METTL25: variants seen among roughly 807,000 people sequenced by gnomAD.
METTL25 encodes probable methyltransferase-like protein 25.
METTL25 carries 64 observed loss-of-function variants against 71.6 expected under a neutral mutation model. The ratio of observed to expected loss-of-function variants is 0.89; its 90% CI spans 0.73 to 1.10. The LOEUF is 1.10. Ranked by LOEUF, METTL25 falls within the 50% of genes least tolerant of loss-of-function variation. METTL25 has a pLI of 0.00. For missense variants in METTL25, 807 were observed against 707.0 expected, an observed-to-expected ratio of 1.14 and a Z score of -1.60; for synonymous variants, 287 against 250.3, an observed-to-expected ratio of 1.15 and a Z score of -1.38.
chr12:82,397,558 A>T (rs1228054752), intron 3 of METTL25, among the ~76,000 whole-genome samples: 1 of 152,160 alleles, frequency 6.6e-6, no homozygotes, highest in African/African-American at 2.4e-5. Flanking sequence ...CTTCCATCAG[A>T]TAACATTTTT....
chr12:82,431,015 C>T lies in METTL25; in HGVS notation c.1374+28C>T, dbSNP rs771028207. ...ATGGTTATATTTTTTCCTGGAGTAA[C>T]AGCTTTATCCAGATGTTGTAGAATT... On this transcript the variant is annotated intron_variant, in intron 6 of 11. Transcript: ENST00000248306. 5 of 1,388,818 alleles carry T rather than the reference C, an allele frequency of 3.6e-6. No homozygotes were observed. In the African/African-American group the frequency reaches 7.2e-5, roughly 20 times the overall value. 86.0% of individuals were successfully genotyped at this position (1,388,818 alleles called of 1,614,324 possible). A position where few individuals can be genotyped will look rare whatever the true frequency, so the allele number is the denominator to read the frequency against.
chr12:82,438,721 CCTACTGAATCACT>C lies in METTL25; in HGVS notation c.1411_1423del (p.Thr471SerfsTer41). ...TATATGTCTACATTTTTTTCAGCTG[CCTACTGAATCACT>C]CTTCTATCGTGCTGTTCTTCAGGAT... On this transcript the variant is annotated frameshift_variant, in exon 8 of 12. Coordinates refer to ENST00000248306, the MANE Select transcript of METTL25 (RefSeq NM_032230.3). LOFTEE classifies it high-confidence loss of function. 1 of 1,464,820 alleles carries C rather than the reference CCTACTGAATCACT, an allele frequency of 6.8e-7. No homozygotes were observed. The highest frequency in any genetic ancestry group is 1.5e-5 in the South Asian group (1 of 66,524). 90.7% of individuals were successfully genotyped at this position (1,464,820 alleles called of 1,614,324 possible). A position where few individuals can be genotyped will look rare whatever the true frequency, so the allele number is the denominator to read the frequency against.
intron 8 of METTL25, among the ~76,000 whole-genome samples, chr12:82,451,478 T>G (rs192399078): frequency 1.4e-3 from 212 of 152,288 alleles, no homozygotes; most frequent in African/African-American, 4.6e-3. Flanking sequence ...AAGGGTGTTT[T>G]GAAAATGAAG....
At chr12:82,438,512 CT>C (rs58370071) in intron 7 of METTL25, 15,206 of 211,092 alleles carry the variant, frequency 0.072, 65 homozygotes, top group East Asian at 0.1. Context: ...TTTATGGTTT[CT>C]TTTTTTTTTT....
chr12:82,396,193 A>G (rs1886067363), intron 3 of METTL25, among the ~76,000 whole-genome samples: 1 of 152,094 alleles, frequency 6.6e-6, no homozygotes, highest in African/African-American at 2.4e-5. Context: ...ATGTTTGCAC[A>G]ACAAAATTTC....
intron 6 of METTL25, among the ~76,000 whole-genome samples, chr12:82,434,195 A>G (rs1345883676): frequency 6.6e-6 from 1 of 151,416 alleles, no homozygotes; most frequent in Non-Finnish European, 1.5e-5. Context: ...CCAAAAATAC[A>G]TATAGTTTTC....
At chr12:82,391,038 T>A (rs888026672) in intron 3 of METTL25, among the ~76,000 whole-genome samples, 4 of 151,996 alleles carry the variant, frequency 2.6e-5, no homozygotes, top group African/African-American at 9.7e-5. Context: ...TAACAGCAAG[T>A]CCACTGGAGA....
intron 5 of METTL25, among the ~76,000 whole-genome samples, chr12:82,426,577 G>T (rs1226544197): frequency 1.3e-5 from 2 of 151,922 alleles, no homozygotes; most frequent in Non-Finnish European, 2.9e-5. Context: ...TTGTTGTGGT[G>T]GTAAATAGTA....
At chr12:82,464,172 A>G (rs1381348109) in intron 9 of METTL25, among the ~76,000 whole-genome samples, 3 of 151,930 alleles carry the variant, frequency 2.0e-5, no homozygotes, top group Non-Finnish European at 4.4e-5. Context: ...GGTCTTACTC[A>G]AAAATATTTT....
chr12:82,375,288 C>T lies in METTL25; in HGVS notation c.260-11515C>T, dbSNP rs371871326. Among the ~76,000 whole-genome samples the T allele has an allele frequency of 2.3e-4, 35 of 151,926 alleles. No homozygotes were observed. The East Asian group carries it at 5.6e-3, about 24-fold the overall frequency. On this transcript the variant is annotated intron_variant, in intron 1 of 11. Coordinates refer to ENST00000248306, the MANE Select transcript of METTL25 (RefSeq NM_032230.3). ...AGCACTCATGAATGAGATTAGTGCC[C>T]GTATAAAAGAGGTACAAGGAAGCTG...
chr12:82,472,107 G>A (rs1488681827), intron 9 of METTL25, among the ~76,000 whole-genome samples: 1 of 152,040 alleles, frequency 6.6e-6, no homozygotes, highest in South Asian at 2.1e-4. Flanking sequence ...TTGGGACATT[G>A]GTGTAATTAA....
chr12:82,435,504 T>C (rs1889850173), intron 7 of METTL25, among the ~76,000 whole-genome samples: 1 of 151,448 alleles, frequency 6.6e-6, no homozygotes, highest in Admixed American at 6.6e-5. Context: ...TGATAAAATC[T>C]GATTCTTTTG....
intron 1 of METTL25, among the ~76,000 whole-genome samples, chr12:82,360,148 A>G (rs1206228138): frequency 6.6e-6 from 1 of 152,218 alleles, no homozygotes; most frequent in Non-Finnish European, 1.5e-5. Context: ...AGTTTTAAAT[A>G]AATAAAATGA....
intron 8 of METTL25, among the ~76,000 whole-genome samples, chr12:82,455,301 A>T (rs951198326): frequency 4.0e-5 from 6 of 151,824 alleles, no homozygotes; most frequent in African/African-American, 1.2e-4. Context: ...GGTATCTGTT[A>T]CACCTAAGAT....
chr12:82,452,873 AT>A (rs1312782853), intron 8 of METTL25, among the ~76,000 whole-genome samples: 1 of 152,130 alleles, frequency 6.6e-6, no homozygotes, highest in African/African-American at 2.4e-5. Flanking sequence ...TATGAGATAG[AT>A]TTAACAACAC....
intron 5 of METTL25, among the ~76,000 whole-genome samples, chr12:82,422,963 C>G (rs1219269948): frequency 6.6e-6 from 1 of 152,160 alleles, no homozygotes; most frequent in African/African-American, 2.4e-5. Context: ...TGAAAATGGC[C>G]ATACTGCCCA....
At chr12:82,411,156 A>G (rs1007897568) in intron 5 of METTL25, among the ~76,000 whole-genome samples, 1 of 152,110 alleles carries the variant, frequency 6.6e-6, no homozygotes, top group Non-Finnish European at 1.5e-5. Context: ...CTCAAAGATA[A>G]TGGAAACACT....
intron 8 of METTL25, among the ~76,000 whole-genome samples, chr12:82,448,719 G>A (rs1369936158): frequency 2.0e-5 from 3 of 152,156 alleles, no homozygotes; most frequent in South Asian, 4.1e-4. Context: ...AATCCATAAT[G>A]TGTGGTCAAG....
At chr12:82,435,084 C>T (rs570861698) in intron 7 of METTL25, among the ~76,000 whole-genome samples, 2 of 151,558 alleles carry the variant, frequency 1.3e-5, no homozygotes, top group South Asian at 4.1e-4. Flanking sequence ...TAGTCCAAAA[C>T]ACATACTTCA....
Sources: allele counts gnomAD v4.1 joint callset (sites outside exome capture counted in the v4.1 genomes callset), GRCh38; gene constraint gnomAD v4.1.1; transcripts MANE v1.5; gene names NCBI Gene and HGNC (gene_info 2026-07-23, HGNC 2026-07-21).